Variants in PINX1 observed in about 807,000 individuals in gnomAD.
The protein encoded by PINX1 is PIN2/TERF1-interacting telomerase inhibitor 1.
In PINX1, 34 loss-of-function variants were observed where a neutral mutation model predicts 25.4. That is an observed-to-expected ratio of 1.34 (90% CI 1.02 to 1.78). The LOEUF (loss-of-function observed/expected upper bound fraction) is 1.78, where lower values mean the gene tolerates loss of function less well. Among genes scored for constraint, PINX1 ranks in the 40% most tolerant of loss-of-function variants. PINX1 has a pLI of 0.00. For missense variants in PINX1, 592 were observed against 404.9 expected, an observed-to-expected ratio of 1.46 and a Z score of -3.97; for synonymous variants, 197 against 147.7, an observed-to-expected ratio of 1.33 and a Z score of -2.42.
At chr8:10,839,117 CAG>C (rs150655193) in intron 1 of PINX1, among the ~76,000 whole-genome samples, 209 of 152,290 alleles carry the variant, frequency 1.4e-3, no homozygotes, top group Non-Finnish European at 1.1e-3. Context: ...TCTACAGAGA[CAG>C]GGGTTTCACC....
At chr8:10,829,801 T>C (rs1215632021) in intron 4 of PINX1, among the ~76,000 whole-genome samples, 1 of 152,138 alleles carries the variant, frequency 6.6e-6, no homozygotes, top group East Asian at 1.9e-4. Flanking sequence ...TTCTCCTGCC[T>C]CAGCCTCCAA....
intron 1 of PINX1, among the ~76,000 whole-genome samples, chr8:10,839,504 G>A (rs1368862998): frequency 2.6e-5 from 4 of 152,216 alleles, no homozygotes; most frequent in Non-Finnish European, 5.9e-5. Flanking sequence ...GTGATTCTGA[G>A]AACGGCGTCT....
At chr8:10,800,026 G>A (rs535613793) in intron 6 of PINX1, among the ~76,000 whole-genome samples, 12 of 152,192 alleles carry the variant, frequency 7.9e-5, no homozygotes, top group Non-Finnish European at 1.6e-4. Context: ...CCAGGTCTGC[G>A]TGATGACACA....
chr8:10,839,174 C>A (rs879876680), intron 1 of PINX1, among the ~76,000 whole-genome samples: 1 of 152,194 alleles, frequency 6.6e-6, no homozygotes, highest in African/African-American at 2.4e-5. Flanking sequence ...ACAGGCAGGA[C>A]GGGGCGCTGT....
chr8:10,837,184 G>A (rs1203899136), intron 1 of PINX1, among the ~76,000 whole-genome samples: 1 of 152,190 alleles, frequency 6.6e-6, no homozygotes, highest in Non-Finnish European at 1.5e-5. Context: ...TGCGAGCCAG[G>A]AATTTTGGTG....
At chr8:10,827,080 C>G (rs1198272049) in intron 4 of PINX1, among the ~76,000 whole-genome samples, 2 of 152,202 alleles carry the variant, frequency 1.3e-5, no homozygotes, top group African/African-American at 4.8e-5. Context: ...CGAAAAGCCA[C>G]AGCAATGTAA....
chr8:10,786,919 A>G (rs1801767941), intron 6 of PINX1, among the ~76,000 whole-genome samples: 1 of 151,992 alleles, frequency 6.6e-6, no homozygotes, highest in Admixed American at 6.6e-5. Context: ...TGTCTATTCG[A>G]CTGTCTTTGA....
chr8:10,827,343 GA>G (rs1307462459), intron 4 of PINX1, among the ~76,000 whole-genome samples: 1 of 152,138 alleles, frequency 6.6e-6, no homozygotes, highest in Non-Finnish European at 1.5e-5. Context: ...AAAGGAGCAG[GA>G]ACACACCATT....
intron 5 of PINX1, among the ~76,000 whole-genome samples, chr8:10,825,159 C>A (rs1305665102): frequency 6.6e-6 from 1 of 152,190 alleles, no homozygotes; most frequent in East Asian, 1.9e-4. Context: ...GGGCTCCTGG[C>A]CCTAAATGAA....
intron 4 of PINX1, among the ~76,000 whole-genome samples, chr8:10,827,504 T>A (rs1798088915): frequency 6.6e-6 from 1 of 152,046 alleles, no homozygotes; most frequent in Non-Finnish European, 1.5e-5. Context: ...CTCACCTGTA[T>A]CTGCTTGTCA....
intron 1 of PINX1, 87 bp from the exon 2 acceptor site, chr8:10,834,862 T>G: frequency 1.2e-6 from 1 of 841,902 alleles, no homozygotes; most frequent in Non-Finnish European, 1.9e-6. Flanking sequence ...CTTTGTGTAT[T>G]TTATGTATGT....
At chr8:10,804,660 T>C (rs1034421489) in intron 6 of PINX1, among the ~76,000 whole-genome samples, 10 of 151,786 alleles carry the variant, frequency 6.6e-5, no homozygotes, top group African/African-American at 2.2e-4. Flanking sequence ...GTCATAATGA[T>C]TAGGAATGGT....
chr8:10,839,243 C>T (rs1368037270), intron 1 of PINX1, among the ~76,000 whole-genome samples: 1 of 152,228 alleles, frequency 6.6e-6, no homozygotes, highest in African/African-American at 2.4e-5. Context: ...TAGCCCTGCA[C>T]TCCCTCGCTA....
At chr8:10,839,648 C>T (rs1798509549) in intron 1 of PINX1, 90 bp downstream of exon 1, 2 of 1,378,984 alleles carry the variant, frequency 1.5e-6, no homozygotes, top group Non-Finnish European at 2.0e-6. Context: ...GCGCCGGCAA[C>T]CCGAGCTCCC....
intron 6 of PINX1, among the ~76,000 whole-genome samples, chr8:10,815,679 T>TGAGCTCTCCAACACCAG (rs1797676325): frequency 6.6e-6 from 1 of 152,172 alleles, no homozygotes; most frequent in African/African-American, 2.4e-5. Context: ...GCCAACACCA[T>TGAGCTCTCCAACACCAG]GAGCTCTCCA....
intron 6 of PINX1, among the ~76,000 whole-genome samples, chr8:10,794,235 A>C (rs1202921749): frequency 6.6e-6 from 1 of 152,234 alleles, no homozygotes; most frequent in African/African-American, 2.4e-5. Context: ...TATCACGATT[A>C]AAATTTTAAA....
At chr8:10,804,547 G>A (rs537280971) in intron 6 of PINX1, among the ~76,000 whole-genome samples, 1 of 152,256 alleles carries the variant, frequency 6.6e-6, no homozygotes, top group African/African-American at 2.4e-5. Flanking sequence ...CAGCATTGGA[G>A]AAGAGCCGAT....
chr8:10,808,731 G>T (rs900544695), intron 6 of PINX1, among the ~76,000 whole-genome samples: 4 of 152,150 alleles, frequency 2.6e-5, no homozygotes, highest in Non-Finnish European at 5.9e-5. Context: ...TTCATCTTGG[G>T]AAAAACAATC....
intron 3 of PINX1, among the ~76,000 whole-genome samples, chr8:10,832,212 G>A (rs1361945354): frequency 6.6e-6 from 1 of 152,148 alleles, no homozygotes; most frequent in Non-Finnish European, 1.5e-5. Flanking sequence ...TGAGGAAGGG[G>A]AGGAGGAAGA....
Sources: gnomAD v4.1 joint callset for allele counts (sites outside exome capture counted in the v4.1 genomes callset) on GRCh38, gnomAD v4.1.1 for gene constraint, MANE v1.5 for transcripts, NCBI Gene and HGNC (gene_info 2026-07-23, HGNC 2026-07-21) for gene names.